Variants in ELP4 observed in about 807,000 individuals in gnomAD.
ELP4 encodes elongator acetyltransferase complex subunit 4, also known as elongator complex protein 4.
A neutral mutation model predicts 48.9 loss-of-function variants in ELP4; 51 were observed. The observed-to-expected ratio is 1.04, with a 90% confidence interval of 0.83 to 1.32. The LOEUF is 1.32. Among genes scored for constraint, ELP4 ranks in the 40% most tolerant of loss-of-function variants. The pLI is 0.00. For synonymous variants in ELP4, 210 were observed against 189.2 expected (o/e 1.11, Z -0.90); for missense variants, 519 against 514.6 (o/e 1.01, Z -0.08).
chr11:31,695,257 A>C (rs898279803), intron 9 of ELP4, among the ~76,000 whole-genome samples: 1 of 152,110 alleles, frequency 6.6e-6, no homozygotes, highest in African/African-American at 2.4e-5. Context: ...GAATGCTTCC[A>C]GTTTTTGCCC....
chr11:31,671,726 A>G (rs1220999437), intron 9 of ELP4, among the ~76,000 whole-genome samples: 2 of 152,130 alleles, frequency 1.3e-5, no homozygotes, highest in East Asian at 1.9e-4. Context: ...CCTCACAACA[A>G]CCTTTATAAT....
At chr11:31,512,848 C>CA (rs1367153993) in intron 1 of ELP4, among the ~76,000 whole-genome samples, 1 of 125,438 alleles carries the variant, frequency 8.0e-6, no homozygotes, top group Admixed American at 1.1e-4. Context: ...GTATATACTC[C>CA]ATCATAGAAC....
intron 9 of ELP4, among the ~76,000 whole-genome samples, chr11:31,727,437 G>T (rs1467990574): frequency 6.6e-6 from 1 of 152,060 alleles, no homozygotes; most frequent in Non-Finnish European, 1.5e-5. Flanking sequence ...AAGAATAGAA[G>T]ATAAGGTTAC....
chr11:31,559,328 C>T (rs890304547), intron 3 of ELP4, among the ~76,000 whole-genome samples: 1 of 152,086 alleles, frequency 6.6e-6, no homozygotes, highest in Non-Finnish European at 1.5e-5. Context: ...TCTGTCTTTT[C>T]AAATTATGAT....
rs578135725 is a variant in ELP4 at position 31,658,507 on chromosome 11, A to G, written c.1143+8286A>G. Among the ~76,000 whole-genome samples, 234 of 151,942 alleles carry G rather than the reference A, an allele frequency of 1.5e-3. 2 individuals carry two copies. Among genetic ancestry groups the G allele is most frequent in the African/African-American group, 5.4e-3 (223 of 41,532 alleles). On this transcript the variant is annotated intron_variant, in intron 9 of 9. Coordinates refer to ENST00000640961, the MANE Select transcript of ELP4 (RefSeq NM_019040.5). ...ATTCTCTAAAATACTATTTACTGTT[A>G]TAGGATTTCTAAATCCAAAAGAAAG...
intron 9 of ELP4, among the ~76,000 whole-genome samples, chr11:31,686,329 T>G (rs929135320): frequency 1.7e-4 from 22 of 126,164 alleles, no homozygotes; most frequent in Non-Finnish European, 1.9e-4. Context: ...TGTGGGTTGG[T>G]TTTTTTTTTT....
intron 3 of ELP4, among the ~76,000 whole-genome samples, chr11:31,577,455 T>TA (rs1369842450): frequency 6.6e-6 from 1 of 152,016 alleles, no homozygotes; most frequent in East Asian, 1.9e-4. Flanking sequence ...ATCATCCTGA[T>TA]ACCAAAGCCT....
At chr11:31,617,254 A>G (rs1232181) in intron 5 of ELP4, among the ~76,000 whole-genome samples, 36,029 of 152,086 alleles carry the variant, frequency 0.24, 4,806 homozygotes, top group Non-Finnish European at 0.3. Context: ...CATATTTCAT[A>G]TATAAATACA....
At chr11:31,542,375 G>C (rs1024963083) in intron 3 of ELP4, among the ~76,000 whole-genome samples, 1 of 152,114 alleles carries the variant, frequency 6.6e-6, no homozygotes, top group African/African-American at 2.4e-5. Context: ...GCATAGGGTC[G>C]GTCTCCCTCT....
chr11:31,541,991 G>A (rs886641292), intron 3 of ELP4, among the ~76,000 whole-genome samples: 12 of 152,200 alleles, frequency 7.9e-5, no homozygotes, highest in South Asian at 2.1e-4. Context: ...AAAATACACC[G>A]TGTCTGACCA....
intron 9 of ELP4, among the ~76,000 whole-genome samples, chr11:31,734,082 G>T (rs977997874): frequency 6.6e-6 from 1 of 152,268 alleles, no homozygotes; most frequent in Middle Eastern, 3.4e-3. Flanking sequence ...TATTGAATTT[G>T]ATACATCACA....
In ELP4 at chr11:31,714,648, G is replaced by A. The variant is rs1274537921; in HGVS notation, c.1143+64427G>A. The A allele has an allele frequency of 1.8e-5, 7 of 398,368 alleles. No individual in the cohort carries two copies. In the East Asian group the frequency reaches 1.8e-4, roughly 10 times the overall value. The allele number at this position is 398,368 out of a possible 1,614,324, so 24.7% of individuals were successfully genotyped here. On this transcript the variant is annotated intron_variant, in intron 9 of 9. Transcript: ENST00000640961. ...TCTGGCAGGCAGAGGTCCAAAAAGG[G>A]GTCAGCACAGCTACGTTCCTCCTGG...
chr11:31,662,543 A>T (rs1945584448), intron 9 of ELP4: 5 of 397,688 alleles, frequency 1.3e-5, no homozygotes, highest in Middle Eastern at 6.2e-4. Context: ...CTAAGTTGAG[A>T]TCTTACGACC....
intron 9 of ELP4, among the ~76,000 whole-genome samples, chr11:31,776,302 A>C (rs1472459618): frequency 6.6e-6 from 1 of 152,100 alleles, no homozygotes; most frequent in African/African-American, 2.4e-5. Flanking sequence ...TCTAATAGCA[A>C]TTTTAAGGGA....
At chr11:31,749,410 G>A (rs1474327307) in intron 9 of ELP4, among the ~76,000 whole-genome samples, 1 of 152,184 alleles carries the variant, frequency 6.6e-6, no homozygotes, top group Non-Finnish European at 1.5e-5. Context: ...GATTAAAGAT[G>A]CAGCTGTTAT....
At chr11:31,529,751 G>A (rs1048025742) in intron 2 of ELP4, among the ~76,000 whole-genome samples, 2 of 151,844 alleles carry the variant, frequency 1.3e-5, no homozygotes, top group African/African-American at 2.4e-5. Context: ...GAAGAATAAT[G>A]ACAGTAATAG....
chr11:31,586,299 G>A (rs1957472440), intron 3 of ELP4, among the ~76,000 whole-genome samples: 1 of 152,142 alleles, frequency 6.6e-6, no homozygotes, highest in African/African-American at 2.4e-5. Context: ...AAAAATAAAT[G>A]TGAAATACAA....
chr11:31,717,754 A>C (rs1164790540), intron 9 of ELP4, among the ~76,000 whole-genome samples: 1 of 142,840 alleles, frequency 7.0e-6, no homozygotes, highest in Non-Finnish European at 1.5e-5. Context: ...ACTGTGTCTC[A>C]AAAAAAAAAA....
intron 1 of ELP4, chr11:31,512,097 A>G (rs1022164567): frequency 6.6e-6 from 1 of 152,224 alleles, no homozygotes; most frequent in Non-Finnish European, 1.5e-5. Flanking sequence ...GATTTTCTGT[A>G]TAAGCAGTTT....
Sources: allele counts gnomAD v4.1 joint callset (sites outside exome capture counted in the v4.1 genomes callset), GRCh38; gene constraint gnomAD v4.1.1; transcripts MANE v1.5; gene names NCBI Gene and HGNC (gene_info 2026-07-23, HGNC 2026-07-21).